Variants in FRMD4A observed in about 807,000 individuals in gnomAD.
FRMD4A encodes the protein FERM domain containing 4A, also known as FERM domain-containing protein 4A.
Under a neutral mutation model 129.1 loss-of-function variants are expected in FRMD4A, and 29 were observed. The ratio of observed to expected loss-of-function variants is 0.22; its 90% CI spans 0.17 to 0.31. FRMD4A has a LOEUF of 0.31. FRMD4A is among the 10% of genes least tolerant of loss of function. The probability of loss-of-function intolerance (pLI) is 1.00; values close to 1 mark genes in which losing one functional copy is unlikely to be tolerated. For missense variants in FRMD4A, 1,272 were observed against 1,375.8 expected, an observed-to-expected ratio of 0.92 and a Z score of 1.19; for synonymous variants, 634 against 571.6, an observed-to-expected ratio of 1.11 and a Z score of -1.56.
chr10:13,972,205 G>A (rs886845534), intron 2 of FRMD4A: 1 of 1,017,120 alleles, frequency 9.8e-7, no homozygotes, highest in African/African-American at 1.7e-5. Context: ...ACCGAGTGTT[G>A]GGATCCCCTC....
chr10:13,785,788 C>A (rs545647839), intron 5 of FRMD4A, among the ~76,000 whole-genome samples: 109 of 149,960 alleles, frequency 7.3e-4, no homozygotes, highest in African/African-American at 2.5e-3. Flanking sequence ...CACCCCACGA[C>A]AGGCCCCAGT....
At chr10:14,184,629 C>G (rs1842023975) in intron 2 of FRMD4A, among the ~76,000 whole-genome samples, 2 of 152,116 alleles carry the variant, frequency 1.3e-5, no homozygotes, top group Non-Finnish European at 2.9e-5. Flanking sequence ...CCTGAGGAGC[C>G]TCTGAACGTT....
chr10:14,223,884 T>C (rs11258950), intron 2 of FRMD4A, among the ~76,000 whole-genome samples: 14,730 of 152,036 alleles, frequency 0.097, 1,515 homozygotes, highest in African/African-American at 0.26. Context: ...CATGGGCACC[T>C]GTGGGATAGA....
chr10:13,961,934 G>A (rs757147610), intron 2 of FRMD4A, among the ~76,000 whole-genome samples: 2 of 152,082 alleles, frequency 1.3e-5, no homozygotes, highest in African/African-American at 4.8e-5. Flanking sequence ...AGACATGAAT[G>A]AATGAATGAA....
chr10:13,733,058 G>A (rs1374912385), intron 12 of FRMD4A, among the ~76,000 whole-genome samples: 2 of 152,224 alleles, frequency 1.3e-5, no homozygotes, highest in Non-Finnish European at 2.9e-5. Context: ...GAGGTTAAGA[G>A]CCACTGGCCT....
intron 2 of FRMD4A, chr10:14,083,584 G>A (rs1039260907): frequency 3.9e-5 from 6 of 152,352 alleles, no homozygotes; most frequent in African/African-American, 1.2e-4. Flanking sequence ...CGGCCCTGGG[G>A]TCAGTCTGTA....
intron 2 of FRMD4A, among the ~76,000 whole-genome samples, chr10:13,878,347 CT>C (rs971795036): frequency 1.3e-4 from 19 of 151,948 alleles, no homozygotes; most frequent in African/African-American, 3.6e-4. Flanking sequence ...GGCTCCTGAT[CT>C]TTGCACTTTC....
chr10:14,295,050 G>A (rs760023220), intron 2 of FRMD4A, among the ~76,000 whole-genome samples: 8 of 152,288 alleles, frequency 5.3e-5, no homozygotes, highest in African/African-American at 1.4e-4. Flanking sequence ...TCTCTCCCTC[G>A]TTAAAGCAGT....
At chr10:14,255,514 C>T (rs1005534348) in intron 2 of FRMD4A, among the ~76,000 whole-genome samples, 3 of 152,122 alleles carry the variant, frequency 2.0e-5, no homozygotes, top group South Asian at 4.1e-4. Flanking sequence ...TAATGCACCA[C>T]GATGTTCAGA....
At chr10:14,178,188 A>G (rs1197901757) in intron 2 of FRMD4A, among the ~76,000 whole-genome samples, 1 of 152,244 alleles carries the variant, frequency 6.6e-6, no homozygotes, top group African/African-American at 2.4e-5. Flanking sequence ...TACTTCATTA[A>G]AAATAATCCC....
At chr10:14,052,226 G>A (rs1383848568) in intron 2 of FRMD4A, among the ~76,000 whole-genome samples, 1 of 152,046 alleles carries the variant, frequency 6.6e-6, no homozygotes, top group Non-Finnish European at 1.5e-5. Flanking sequence ...CTTGACTTTC[G>A]ACTTTCAGCC....
At chr10:14,312,107 G>C (rs1031457099) in intron 2 of FRMD4A, among the ~76,000 whole-genome samples, 6 of 152,192 alleles carry the variant, frequency 3.9e-5, no homozygotes, top group African/African-American at 1.4e-4. Flanking sequence ...CATTTCCTCA[G>C]TGAAAGTAAG....
chr10:13,799,683 T>C (rs1322152415), intron 4 of FRMD4A, among the ~76,000 whole-genome samples: 1 of 152,120 alleles, frequency 6.6e-6, no homozygotes, highest in African/African-American at 2.4e-5. Context: ...ATGCTGCCTC[T>C]CCTCCTTGGA....
chr10:13,701,904 T>C (rs976918476), intron 13 of FRMD4A, among the ~76,000 whole-genome samples: 2 of 152,198 alleles, frequency 1.3e-5, no homozygotes, highest in Admixed American at 1.3e-4. Context: ...CACCACAGGC[T>C]ACAGCGTCCC....
intron 2 of FRMD4A, among the ~76,000 whole-genome samples, chr10:14,154,083 T>C (rs1840479744): frequency 6.6e-6 from 1 of 152,160 alleles, no homozygotes. Context: ...CCATCTGTGT[T>C]TGAAATACTT....
Position 13,657,010 on chromosome 10 carries a change from T to C in FRMD4A, c.2579A>G (p.His860Arg). Residue 860 changes from histidine to arginine, a missense_variant, in exon 22 of 25, where the codon CAC becomes CGC. Coordinates refer to ENST00000357447, the MANE Select transcript of FRMD4A (RefSeq NM_018027.5). Reference protein sequence around the residue: ...VRSLESDQEGHYSVKAQFKTS... With the variant: ...VRSLESDQEGRYSVKAQFKTS... ...CTTGAACTGAGCCTTGACGCTGTAG[T>C]GGCCCTCCTGGTCGCTCTCCAGGCT... is the stretch of plus-strand genomic sequence containing the variant. The C allele has an allele frequency of 6.4e-7, 1 of 1,568,318 alleles. No homozygotes were observed. The highest frequency in any genetic ancestry group is 8.6e-7 in the Non-Finnish European group (1 of 1,164,206).
At chr10:13,974,753 T>C (rs10796147) in intron 2 of FRMD4A, among the ~76,000 whole-genome samples, 51,832 of 151,960 alleles carry the variant, frequency 0.34, 9,212 homozygotes, top group East Asian at 0.6. Context: ...TCTTGAACTC[T>C]TGACCTCAGG....
intron 2 of FRMD4A, among the ~76,000 whole-genome samples, chr10:14,109,075 T>C (rs542650121): frequency 6.6e-6 from 1 of 152,156 alleles, no homozygotes; most frequent in Non-Finnish European, 1.5e-5. Context: ...TTCACTTACA[T>C]GAAAGGCTCT....
chr10:13,851,479 C>A (rs1443057655), intron 3 of FRMD4A, among the ~76,000 whole-genome samples: 1 of 152,142 alleles, frequency 6.6e-6, no homozygotes, highest in Non-Finnish European at 1.5e-5. Context: ...ATACTTATAG[C>A]CTCTCCCCAT....
Sources: allele counts gnomAD v4.1 joint callset (sites outside exome capture counted in the v4.1 genomes callset), GRCh38; gene constraint gnomAD v4.1.1; transcripts MANE v1.5; gene names NCBI Gene and HGNC (gene_info 2026-07-23, HGNC 2026-07-21).